CPLANE1: variants seen among roughly 807,000 people sequenced by gnomAD.
The protein encoded by CPLANE1 is ciliogenesis and planar polarity effector 1.
CPLANE1 carries 263 observed loss-of-function variants against 362.5 expected under a neutral mutation model. That is an observed-to-expected ratio of 0.73 (90% CI 0.66 to 0.80). The LOEUF is 0.80. CPLANE1 is among the 30% of genes least tolerant of loss of function. The pLI is 0.00. For missense variants in CPLANE1, 3,461 were observed against 3,793.4 expected, an observed-to-expected ratio of 0.91 and a Z score of 2.30; for synonymous variants, 1,212 against 1,302.6, an observed-to-expected ratio of 0.93 and a Z score of 1.50.
In CPLANE1 at chr5:37,107,665, G is replaced by A. The variant is rs1332636319; in HGVS notation, c.9693C>T (p.Ile3231=). The A allele has an allele frequency of 4.3e-6, 7 of 1,611,272 alleles. No homozygotes were observed. The highest frequency in any genetic ancestry group is 1.3e-5 in the African/African-American group (1 of 74,958). The change falls in exon 53 of 53, where the codon ATC becomes ATT. Residue 3231 remains isoleucine, a synonymous_variant. Coordinates refer to ENST00000651892, the MANE Select transcript of CPLANE1 (RefSeq NM_001384732.1). ...CCTCCACGCTGGCCACCATGTCTTC[G>A]ATGGCATTCCAGTCCAGCTTGCTGA... ...SILSKLDWNA[I]EDMVASVEDQ...
rs1757725669 is a variant in CPLANE1, at chr5:37,106,881, T to C, written c.*721A>G. 2 of 985,068 alleles carry C rather than the reference T, an allele frequency of 2.0e-6. No individual in the cohort carries two copies. The highest frequency in any genetic ancestry group is 3.5e-5 in the African/African-American group (2 of 57,242). The allele number at this position is 985,068 out of a possible 1,614,324, so 61.0% of individuals were successfully genotyped here. A position where few individuals can be genotyped will look rare whatever the true frequency, so the allele number is the denominator to read the frequency against. On this transcript the variant is annotated 3_prime_UTR_variant, in exon 53 of 53. Coordinates refer to ENST00000651892, the MANE Select transcript of CPLANE1 (RefSeq NM_001384732.1). The stretch of plus-strand genomic sequence containing the variant: ...AAAATTATCTCTTAAAACTATGACA[T>C]TATTGGAGCACAATACCAAAAACTA...
intron 44 of CPLANE1, chr5:37,139,886 A>G: frequency 2.0e-6 from 2 of 985,592 alleles, no homozygotes; most frequent in Non-Finnish European, 1.2e-6. Flanking sequence ...CTGAGTACTC[A>G]GTGTAATATG....
At chr5:37,211,354 C>T in intron 16 of CPLANE1, 6 of 1,514,958 alleles carry the variant, frequency 4.0e-6, no homozygotes, top group Non-Finnish European at 5.3e-6. Context: ...GCCAAAGGCC[C>T]ACTACCAGCA....
chr5:37,128,818 C>A (rs1442346050), intron 46 of CPLANE1, among the ~76,000 whole-genome samples: 1 of 151,102 alleles, frequency 6.6e-6, no homozygotes, highest in Admixed American at 6.6e-5. Context: ...GAGATTGTGC[C>A]ACTGTACTCC....
At chr5:37,166,338 G>T (rs1028539591) in intron 35 of CPLANE1, among the ~76,000 whole-genome samples, 3 of 152,104 alleles carry the variant, frequency 2.0e-5, no homozygotes, top group African/African-American at 4.8e-5. Flanking sequence ...CCTGCTTACT[G>T]TAAGAGTCTA....
chr5:37,221,512 T>G (rs759953428), intron 14 of CPLANE1, 24 bp from the exon 15 acceptor site: 6 of 1,452,896 alleles, frequency 4.1e-6, no homozygotes. Context: ...TAAGCTCACC[T>G]TAAAAGTATG....
downstream of CPLANE1, among the ~76,000 whole-genome samples, chr5:37,105,491 C>A (rs866284593): frequency 6.6e-6 from 1 of 152,108 alleles, no homozygotes; most frequent in Middle Eastern, 3.2e-3. Context: ...TGAAACTACA[C>A]CTGTATAAAT....
rs368347362 is a variant in CPLANE1, at chr5:37,180,060, T to A, written c.5694A>T (p.Ala1898=). The change falls in exon 28 of 53, where the codon GCA becomes GCT. Residue 1898 remains alanine, a synonymous_variant. Transcript: ENST00000651892. ...DIDENLLEVE[A]FTEEEMDMHI... is the part of the protein sequence containing the mutation. The stretch of plus-strand genomic sequence containing the variant: ...GCATATCCATTTCCTCTTCTGTAAA[T>A]GCTTCTACTTCTAAAAGATTCTCAT... 1.3e-6 allele frequency: 2 copies of A among 1,574,430 alleles called. No individual in the cohort carries two copies. Among genetic ancestry groups the A allele is most frequent in the Non-Finnish European group, 1.7e-6 (2 of 1,159,188 alleles).
chr5:37,089,319 C>T, the CPLANE1 span, among the ~76,000 whole-genome samples: 1 of 152,104 alleles, frequency 6.6e-6, no homozygotes, highest in South Asian at 2.1e-4. Flanking sequence ...TCATGGCCAT[C>T]CCTGTTCATC....
At chr5:37,144,855 A>AC (rs1771044343) in intron 43 of CPLANE1, among the ~76,000 whole-genome samples, 1 of 151,854 alleles carries the variant, frequency 6.6e-6, no homozygotes, top group African/African-American at 2.4e-5. Flanking sequence ...TGTCTCAAAA[A>AC]AAAAAAAAAA....
intron 50 of CPLANE1, among the ~76,000 whole-genome samples, chr5:37,115,445 ATTTAC>A (rs1344117428): frequency 6.6e-6 from 1 of 152,120 alleles, no homozygotes; most frequent in East Asian, 1.9e-4. Context: ...AATAACAACC[ATTTAC>A]TTCCATGTTA....
At chr5:37,201,307 A>G (rs1018680737) in intron 19 of CPLANE1, among the ~76,000 whole-genome samples, 1 of 152,016 alleles carries the variant, frequency 6.6e-6, no homozygotes, top group Non-Finnish European at 1.5e-5. Flanking sequence ...AATAATTACT[A>G]TATGTCCCAG....
At chr5:37,174,717 T>C (rs906246625) in intron 31 of CPLANE1, among the ~76,000 whole-genome samples, 3 of 152,210 alleles carry the variant, frequency 2.0e-5, no homozygotes, top group Non-Finnish European at 2.9e-5. Flanking sequence ...AAGAACATAT[T>C]AAATTTCATA....
intron 27 of CPLANE1, 76 bp downstream of exon 27, chr5:37,180,781 T>C: frequency 7.1e-7 from 1 of 1,411,894 alleles, no homozygotes; most frequent in Non-Finnish European, 9.9e-7. Flanking sequence ...TTCAAGGGTT[T>C]GATCTTCCCT....
At chr5:37,235,308 GA>G (rs1798708523) in intron 8 of CPLANE1, among the ~76,000 whole-genome samples, 1 of 152,010 alleles carries the variant, frequency 6.6e-6, no homozygotes, top group South Asian at 2.1e-4. Flanking sequence ...GGAGAACACT[GA>G]TAAAAGAAAT....
At chr5:37,168,363 G>A (rs757067097) in intron 34 of CPLANE1, among the ~76,000 whole-genome samples, 6 of 152,020 alleles carry the variant, frequency 3.9e-5, no homozygotes, top group Non-Finnish European at 7.4e-5. Flanking sequence ...TAATTTTTTT[G>A]CTTTCTTTTT....
intron 9 of CPLANE1, among the ~76,000 whole-genome samples, chr5:37,230,232 AAAG>A (rs1351702956): frequency 6.6e-6 from 1 of 151,806 alleles, no homozygotes; most frequent in African/African-American, 2.4e-5. Context: ...AAAAAAAAAA[AAAG>A]AATAACTAAC....
At chr5:37,191,920 A>G (rs1475641487) in intron 21 of CPLANE1, among the ~76,000 whole-genome samples, 1 of 152,196 alleles carries the variant, frequency 6.6e-6, no homozygotes, top group Non-Finnish European at 1.5e-5. Flanking sequence ...AATATTTTTA[A>G]TAAATTTAGT....
At chr5:37,217,555 C>T (rs1216149663) in intron 15 of CPLANE1, among the ~76,000 whole-genome samples, 3 of 151,606 alleles carry the variant, frequency 2.0e-5, no homozygotes, top group Non-Finnish European at 2.9e-5. Context: ...TGCAGTGAGC[C>T]GAGACTGCGC....
Sources: gnomAD v4.1 joint callset for allele counts (sites outside exome capture counted in the v4.1 genomes callset) on GRCh38, gnomAD v4.1.1 for gene constraint, MANE v1.5 for transcripts, NCBI Gene and HGNC (gene_info 2026-07-23, HGNC 2026-07-21) for gene names.